The following ROR1 variants were observed in gnomAD, a reference collection of about 807,000 sequenced individuals.
ROR1 encodes the protein ROR family WNT receptor 1, also known as inactive tyrosine-protein kinase transmembrane receptor ROR1.
A neutral mutation model predicts 78.8 loss-of-function variants in ROR1; 19 were observed. That is an observed-to-expected ratio of 0.24 (90% confidence interval 0.17 to 0.35). The LOEUF (loss-of-function observed/expected upper bound fraction) is 0.35, where lower values mean the gene tolerates loss of function less well. Among genes scored for constraint, ROR1 ranks in the 10% least tolerant of loss-of-function variants. ROR1 has a pLI of 1.00. For missense variants in ROR1, 917 were observed against 1,177.8 expected (o/e 0.78, Z 3.24); for synonymous variants, 386 against 433.6 (o/e 0.89, Z 1.36).
At chr1:64,140,465 G>T in intron 6 of ROR1, 39 bp downstream of exon 6, 1 of 1,580,174 alleles carries the variant, frequency 6.3e-7, no homozygotes, top group South Asian at 1.1e-5. Flanking sequence ...TCTTCTAAGG[G>T]TCAGCAACCT....
chr1:64,095,999 T>C (rs1211076011), intron 4 of ROR1, among the ~76,000 whole-genome samples: 1 of 152,058 alleles, frequency 6.6e-6, no homozygotes, highest in Non-Finnish European at 1.5e-5. Context: ...AATAATTTGC[T>C]CTGAAGTATA....
At chr1:64,119,638 C>CAAAAA (rs11338825) in intron 4 of ROR1, among the ~76,000 whole-genome samples, 1 of 75,490 alleles carries the variant, frequency 1.3e-5, no homozygotes. Context: ...GGCTCCGTCT[C>CAAAAA]AAAAAAAAAA....
rs1362763121 is a variant in ROR1 at position 63,774,511 on chromosome 1, A to T, written c.91+3A>T. ...CGCACGCGGGGCTGCTGCCCAAGGT[A>T]AGAGGCGCCCGCCGGCCCCCGCCCG... On this transcript the variant is annotated splice_donor_region_variant and intron_variant, in intron 1 of 8. Coordinates refer to ENST00000371079, the MANE Select transcript of ROR1 (RefSeq NM_005012.4). This position sits in a 1 kb window ranked among gnomAD's most constrained non-coding sequence, Gnocchi z 5.7. 1 of 1,120,814 alleles carries T rather than the reference A, an allele frequency of 8.9e-7. No individual in the cohort carries two copies. Among genetic ancestry groups the T allele is most frequent in the African/African-American group, 1.7e-5 (1 of 60,042 alleles). 69.4% of individuals were successfully genotyped at this position (1,120,814 alleles called of 1,614,324 possible).
intron 1 of ROR1, among the ~76,000 whole-genome samples, chr1:63,902,919 C>T (rs12062653): frequency 0.068 from 10,287 of 152,204 alleles, 581 homozygotes; most frequent in African/African-American, 0.15. Flanking sequence ...GCTGATCCTC[C>T]TTCTGCCTCA....
At chr1:63,891,463 C>T (rs1393130713) in intron 1 of ROR1, among the ~76,000 whole-genome samples, 3 of 152,052 alleles carry the variant, frequency 2.0e-5, no homozygotes, top group Non-Finnish European at 2.9e-5. Flanking sequence ...CAGGTGTGAG[C>T]GGTTGCCTAG....
intron 1 of ROR1, among the ~76,000 whole-genome samples, chr1:63,782,536 A>AT (rs1330686666): frequency 1.4e-5 from 2 of 144,118 alleles, no homozygotes; most frequent in African/African-American, 2.7e-5. Context: ...TAAGGCTGAG[A>AT]TTTTGAGGTT....
At chr1:63,848,758 G>A (rs934920404) in intron 1 of ROR1, among the ~76,000 whole-genome samples, 1 of 152,072 alleles carries the variant, frequency 6.6e-6, no homozygotes, top group South Asian at 2.1e-4. Context: ...ATTTCATCAA[G>A]CCTGTATATT....
chr1:63,907,784 G>C (rs1324929564), intron 1 of ROR1, among the ~76,000 whole-genome samples: 2 of 152,176 alleles, frequency 1.3e-5, no homozygotes, highest in African/African-American at 4.8e-5. Flanking sequence ...TTTGAAAGGT[G>C]AAAACATGTG....
chr1:63,864,394 A>G (rs1451549548), intron 1 of ROR1, among the ~76,000 whole-genome samples: 1 of 152,208 alleles, frequency 6.6e-6, no homozygotes, highest in African/African-American at 2.4e-5. Flanking sequence ...CAGATCCTCA[A>G]GTCTAAGGAT....
At chr1:63,945,424 G>A (rs190383643) in intron 1 of ROR1, among the ~76,000 whole-genome samples, 2 of 152,140 alleles carry the variant, frequency 1.3e-5, no homozygotes, top group East Asian at 3.9e-4. Context: ...TTTTATGTGG[G>A]TGCAGAGCCA....
intron 4 of ROR1, among the ~76,000 whole-genome samples, chr1:64,067,444 C>CAA (rs58105318): frequency 0.087 from 4,879 of 56,314 alleles, 834 homozygotes; most frequent in African/African-American, 0.24. Context: ...GCCTCCGTCT[C>CAA]AAAAAAAAAA....
At chr1:64,108,162 C>T (rs1347972133) in intron 4 of ROR1, among the ~76,000 whole-genome samples, 4 of 149,552 alleles carry the variant, frequency 2.7e-5, no homozygotes, top group Non-Finnish European at 4.4e-5. Flanking sequence ...TTTGGGAGAC[C>T]AAGGTGGGTG....
chr1:63,871,181 G>T (rs1354788146), intron 1 of ROR1, among the ~76,000 whole-genome samples: 1 of 152,184 alleles, frequency 6.6e-6, no homozygotes, highest in Admixed American at 6.6e-5. Context: ...AACTTAGGTA[G>T]TAGTGGAGTC....
At chr1:64,126,387 T>C (rs1404385675) in intron 4 of ROR1, among the ~76,000 whole-genome samples, 1 of 152,074 alleles carries the variant, frequency 6.6e-6, no homozygotes, top group Non-Finnish European at 1.5e-5. Context: ...GAGAAAGAGA[T>C]AATGCAATCT....
chr1:63,965,812 C>T (rs559025945), intron 1 of ROR1, among the ~76,000 whole-genome samples: 1 of 152,258 alleles, frequency 6.6e-6, no homozygotes, highest in African/African-American at 2.4e-5. Flanking sequence ...AAGTAACGAA[C>T]AAGCTTGGGG....
chr1:64,084,042 A>G (rs1647129685), intron 4 of ROR1, among the ~76,000 whole-genome samples: 1 of 152,322 alleles, frequency 6.6e-6, no homozygotes, highest in East Asian at 1.9e-4. Flanking sequence ...TTACATCTTG[A>G]ATTTTCCTAG....
chr1:63,995,924 C>G (rs933836782), intron 1 of ROR1, among the ~76,000 whole-genome samples: 53 of 152,228 alleles, frequency 3.5e-4, no homozygotes, highest in African/African-American at 1.2e-3. Context: ...TACACTCCAC[C>G]TCTTCATTGG....
intron 1 of ROR1, among the ~76,000 whole-genome samples, chr1:63,896,076 G>A (rs1352460589): frequency 2.0e-5 from 3 of 151,966 alleles, no homozygotes; most frequent in African/African-American, 7.3e-5. Flanking sequence ...GCTAACCCCT[G>A]CTTGAGTCTT....
chr1:64,166,747 G>A (rs1424283776), intron 8 of ROR1, among the ~76,000 whole-genome samples: 2 of 152,126 alleles, frequency 1.3e-5, no homozygotes, highest in Non-Finnish European at 2.9e-5. Flanking sequence ...TATTCCTTGT[G>A]TCCATCCTGT....
Sources: gnomAD v4.1 joint callset for allele counts (sites outside exome capture counted in the v4.1 genomes callset) on GRCh38, gnomAD v4.1.1 for gene constraint, Gnocchi (gnomAD v3.1) non-coding constraint, MANE v1.5 for transcripts, NCBI Gene and HGNC (gene_info 2026-07-23, HGNC 2026-07-21) for gene names.